The following PTPRK variants were observed in gnomAD, a reference collection of about 807,000 sequenced individuals.
PTPRK encodes the protein protein tyrosine phosphatase receptor type K, also known as receptor-type tyrosine-protein phosphatase kappa.
PTPRK carries 75 observed loss-of-function variants against 178.0 expected under a neutral mutation model. That is an observed-to-expected ratio of 0.42 (90% CI 0.35 to 0.51). The LOEUF is 0.51. Among genes scored for constraint, PTPRK ranks in the 20% least tolerant of loss-of-function variants. PTPRK has a pLI of 0.02. For synonymous variants in PTPRK, 637 were observed against 620.6 expected (o/e 1.03, Z -0.39); for missense variants, 1,441 against 1,797.8 (o/e 0.80, Z 3.59).
chr6:128,376,805 C>G (rs1487028920), intron 2 of PTPRK, among the ~76,000 whole-genome samples: 2 of 152,210 alleles, frequency 1.3e-5, no homozygotes, highest in African/African-American at 2.4e-5. Context: ...TCACCTCTCT[C>G]AAGTTCAAAC....
At chr6:128,003,909 G>A (rs1287968270) in intron 15 of PTPRK, among the ~76,000 whole-genome samples, 1 of 151,756 alleles carries the variant, frequency 6.6e-6, no homozygotes, top group Non-Finnish European at 1.5e-5. Context: ...AATGACTCAT[G>A]TATAGCATCC....
At chr6:128,085,766 T>C (rs1013481060) in intron 8 of PTPRK, among the ~76,000 whole-genome samples, 2 of 152,178 alleles carry the variant, frequency 1.3e-5, no homozygotes, top group Admixed American at 1.3e-4. Flanking sequence ...TACCTATAGA[T>C]TGCATTTGTA....
At chr6:128,425,148 G>A (rs575242033) in intron 1 of PTPRK, among the ~76,000 whole-genome samples, 5 of 151,328 alleles carry the variant, frequency 3.3e-5, no homozygotes, top group African/African-American at 1.2e-4. Context: ...CGTGATCTCG[G>A]CTCACTGCAA....
At chr6:128,132,275 T>G (rs568711442) in intron 7 of PTPRK, among the ~76,000 whole-genome samples, 1 of 152,134 alleles carries the variant, frequency 6.6e-6, no homozygotes, top group African/African-American at 2.4e-5. Flanking sequence ...GCCGGGTTCA[T>G]GCCATTCTCC....
At chr6:128,262,675 A>G (rs1354893170) in intron 3 of PTPRK, among the ~76,000 whole-genome samples, 1 of 152,134 alleles carries the variant, frequency 6.6e-6, no homozygotes, top group Non-Finnish European at 1.5e-5. Flanking sequence ...TTAGGACTAG[A>G]CACTTAGACA....
chr6:128,490,153 AT>A (rs1853560044), intron 1 of PTPRK, among the ~76,000 whole-genome samples: 1 of 152,192 alleles, frequency 6.6e-6, no homozygotes, highest in African/African-American at 2.4e-5. Context: ...ACAAAAAAAA[AT>A]CTTTTCCAAA....
At chr6:128,201,269 T>C (rs1269500001) in intron 6 of PTPRK, among the ~76,000 whole-genome samples, 1 of 152,146 alleles carries the variant, frequency 6.6e-6, no homozygotes, top group Non-Finnish European at 1.5e-5. Context: ...AAGAAAAATG[T>C]TCAGGGAAGA....
At chr6:128,230,452 T>C (rs1368130838) in intron 5 of PTPRK, among the ~76,000 whole-genome samples, 2 of 152,202 alleles carry the variant, frequency 1.3e-5, no homozygotes, top group Non-Finnish European at 2.9e-5. Context: ...AGCTCTGTTA[T>C]GCCTGGCACA....
At chr6:128,191,609 T>C (rs1803798164) in intron 6 of PTPRK, among the ~76,000 whole-genome samples, 1 of 152,108 alleles carries the variant, frequency 6.6e-6, no homozygotes, top group Non-Finnish European at 1.5e-5. Flanking sequence ...ATGATAAATA[T>C]ATGGTAATTA....
chr6:128,045,032 C>A (rs1344879376), intron 13 of PTPRK, among the ~76,000 whole-genome samples: 4 of 151,932 alleles, frequency 2.6e-5, no homozygotes, highest in Non-Finnish European at 5.9e-5. Context: ...TCTGTTACAA[C>A]TTTTCTGCCT....
chr6:128,457,759 G>C (rs975093881), intron 1 of PTPRK, among the ~76,000 whole-genome samples: 8 of 152,040 alleles, frequency 5.3e-5, no homozygotes, highest in Non-Finnish European at 1.2e-4. Flanking sequence ...GATAAAAATA[G>C]GTCTAGAGAT....
At chr6:128,189,088 C>T (rs1803271864) in intron 6 of PTPRK, among the ~76,000 whole-genome samples, 3 of 152,062 alleles carry the variant, frequency 2.0e-5, no homozygotes, top group Admixed American at 2.0e-4. Context: ...TTCCTCCTGC[C>T]AGATATTTCA....
At chr6:128,231,541 G>A (rs1189251008) in intron 5 of PTPRK, among the ~76,000 whole-genome samples, 1 of 152,198 alleles carries the variant, frequency 6.6e-6, no homozygotes, top group Non-Finnish European at 1.5e-5. Flanking sequence ...CAAGGTTGAA[G>A]GCACCAACAG....
chr6:128,223,096 G>T (rs1810697901), intron 5 of PTPRK, among the ~76,000 whole-genome samples: 1 of 151,966 alleles, frequency 6.6e-6, no homozygotes, highest in Admixed American at 6.6e-5. Context: ...ATTTATCAAT[G>T]TCTTTTCATC....
intron 3 of PTPRK, among the ~76,000 whole-genome samples, chr6:128,246,558 C>G (rs905884871): frequency 3.3e-5 from 5 of 152,206 alleles, no homozygotes; most frequent in African/African-American, 1.2e-4. Context: ...TGCTAAAGAT[C>G]TAATCAGCTT....
intron 7 of PTPRK, among the ~76,000 whole-genome samples, chr6:128,136,076 A>T (rs1794976978): frequency 6.6e-6 from 1 of 152,112 alleles, no homozygotes; most frequent in South Asian, 2.1e-4. Context: ...GGTGTCCCAT[A>T]AGAAGAGAAA....
chr6:128,406,414 A>G (rs1841662425), intron 1 of PTPRK, among the ~76,000 whole-genome samples: 1 of 152,196 alleles, frequency 6.6e-6, no homozygotes, highest in Admixed American at 6.5e-5. Context: ...AATTCTTAAG[A>G]CTAAAGAATG....
intron 1 of PTPRK, among the ~76,000 whole-genome samples, chr6:128,468,556 TG>T (rs750728176): frequency 1.3e-5 from 2 of 152,174 alleles, no homozygotes; most frequent in Non-Finnish European, 2.9e-5. Flanking sequence ...ATATTATCTT[TG>T]ATATAAATTG....
At chr6:128,288,078 T>G (rs1822800590) in intron 3 of PTPRK, among the ~76,000 whole-genome samples, 1 of 152,174 alleles carries the variant, frequency 6.6e-6, no homozygotes, top group Non-Finnish European at 1.5e-5. Flanking sequence ...GCAGACTGTA[T>G]AATTAAATAC....
Sources: allele counts gnomAD v4.1 joint callset (sites outside exome capture counted in the v4.1 genomes callset), GRCh38; gene constraint gnomAD v4.1.1; transcripts MANE v1.5; gene names NCBI Gene and HGNC (gene_info 2026-07-23, HGNC 2026-07-21).